PCCA: variants seen among roughly 807,000 people sequenced by gnomAD.
PCCA encodes propionyl-CoA carboxylase subunit alpha.
A neutral mutation model predicts 101.3 loss-of-function variants in PCCA; 74 were observed. The observed-to-expected ratio is 0.73, with a 90% CI of 0.61 to 0.89. The LOEUF is 0.89. PCCA is among the 40% of genes least tolerant of loss of function. The pLI, the probability that PCCA is intolerant of heterozygous loss-of-function variation, is 0.00. For missense variants in PCCA, 891 were observed against 907.0 expected (o/e 0.98, Z 0.23); for synonymous variants, 294 against 313.6 (o/e 0.94, Z 0.66).
chr13:100,181,613 T>C (rs1395469390), intron 6 of PCCA, among the ~76,000 whole-genome samples: 1 of 151,580 alleles, frequency 6.6e-6, no homozygotes, highest in Non-Finnish European at 1.5e-5. Context: ...TGTAGAGATG[T>C]GGTCTCGCCA....
At chr13:100,452,190 G>A (rs1279638559) in intron 21 of PCCA, among the ~76,000 whole-genome samples, 2 of 121,618 alleles carry the variant, frequency 1.6e-5, no homozygotes, top group East Asian at 2.4e-4. Flanking sequence ...CCTCTTTCTC[G>A]CTCCTCTTTT....
chr13:100,401,506 T>C (rs2077360264), intron 19 of PCCA, among the ~76,000 whole-genome samples: 1 of 152,230 alleles, frequency 6.6e-6, no homozygotes. Flanking sequence ...CCTCCCAAAG[T>C]GCTGGAATTA....
In PCCA at chr13:100,373,164, G is replaced by T. The variant is rs564908758; in HGVS notation, c.1746+4590G>T. Among the ~76,000 whole-genome samples, 3 of 152,268 alleles carry T rather than the reference G, an allele frequency of 2.0e-5. No homozygotes were observed. In the South Asian group the frequency reaches 6.2e-4, roughly 32 times the overall value. On this transcript the variant is annotated intron_variant, in intron 19 of 23. Coordinates refer to ENST00000376285, the MANE Select transcript of PCCA (RefSeq NM_000282.4). ...CCTCTCCAAAGAAGATATACGCATGGCCAATAAGCACATGACAAGATGCTC... is the reference window on the plus strand; with the variant it reads ...CCTCTCCAAAGAAGATATACGCATGTCCAATAAGCACATGACAAGATGCTC...
At chr13:100,159,397 C>T (rs1040883010) in intron 6 of PCCA, among the ~76,000 whole-genome samples, 2 of 152,040 alleles carry the variant, frequency 1.3e-5, no homozygotes, top group African/African-American at 2.4e-5. Context: ...CCAAAAAATG[C>T]TTCTTTAAAG....
At chr13:100,348,775 TCTTTCTTTCTTTCTTCCTTCCTTC>T (rs760748796) in intron 18 of PCCA, among the ~76,000 whole-genome samples, 6,215 of 89,960 alleles carry the variant, frequency 0.069, 283 homozygotes, top group Middle Eastern at 0.084. Context: ...TTTCTTTCTT[TCTTTCTTTCTTTCTTCCTTCCTTC>T]CTTCCTTCCT....
intron 11 of PCCA, among the ~76,000 whole-genome samples, chr13:100,271,394 C>T (rs2063304598): frequency 6.6e-6 from 1 of 152,146 alleles, no homozygotes; most frequent in Admixed American, 6.5e-5. Context: ...TTCCCCCTCC[C>T]CCACCCCAAT....
At chr13:100,482,822 A>C (rs1176933524) in intron 21 of PCCA, among the ~76,000 whole-genome samples, 1 of 152,190 alleles carries the variant, frequency 6.6e-6, no homozygotes, top group East Asian at 1.9e-4. Context: ...GGAGTTCAAG[A>C]CCAGCCTGGC....
At chr13:100,361,018 TG>T (rs2074512530) in intron 18 of PCCA, among the ~76,000 whole-genome samples, 1 of 152,114 alleles carries the variant, frequency 6.6e-6, no homozygotes, top group Admixed American at 6.5e-5. Flanking sequence ...AAATACATAT[TG>T]GTATGGGGAA....
chr13:100,477,399 T>C (rs936924737), intron 21 of PCCA: 1 of 152,206 alleles, frequency 6.6e-6, no homozygotes, highest in Non-Finnish European at 1.5e-5. Context: ...AAGTTAGATG[T>C]GGAGTTTCTA....
At chr13:100,298,396 C>T (rs544307544) in intron 12 of PCCA, among the ~76,000 whole-genome samples, 26 of 152,112 alleles carry the variant, frequency 1.7e-4, no homozygotes, top group African/African-American at 6.0e-4. Context: ...CCCGGTGTTT[C>T]CCAAATAGAA....
chr13:100,390,894 G>A (rs2076766926), intron 19 of PCCA, among the ~76,000 whole-genome samples: 1 of 152,204 alleles, frequency 6.6e-6, no homozygotes, highest in African/African-American at 2.4e-5. Flanking sequence ...GTGGGCCATG[G>A]TGTTGAGGGG....
At chr13:100,411,869 A>G (rs993430954) in intron 19 of PCCA, among the ~76,000 whole-genome samples, 6 of 152,178 alleles carry the variant, frequency 3.9e-5, no homozygotes, top group Admixed American at 3.9e-4. Context: ...TCATACTGTC[A>G]TATTGAGAGT....
rs568477588 is a variant in PCCA, at chr13:100,421,899, G to A, written c.1747-3734G>A. ...GAGGTTTCACCATGTTGGTCAGGCT[G>A]GTCTCAATCTCCTGACCTTAGGTGA... On this transcript the variant is annotated intron_variant, in intron 19 of 23. Transcript: ENST00000376285. Among the ~76,000 whole-genome samples, 3 of 152,046 alleles carry A rather than the reference G, an allele frequency of 2.0e-5. No homozygotes were observed. In the South Asian group the frequency reaches 6.2e-4, roughly 32 times the overall value.
chr13:100,178,736 A>T (rs1594561948), intron 6 of PCCA, among the ~76,000 whole-genome samples: 1 of 135,462 alleles, frequency 7.4e-6, no homozygotes, highest in African/African-American at 3.8e-5. Context: ...CCTGTTTATT[A>T]AAAAAAAATA....
chr13:100,493,412 T>C (rs2085050203), intron 21 of PCCA, among the ~76,000 whole-genome samples: 1 of 152,208 alleles, frequency 6.6e-6, no homozygotes, highest in South Asian at 2.1e-4. Context: ...TAGTCTCTTG[T>C]ACAGCAACAG....
At chr13:100,352,099 A>G (rs1254117215) in intron 18 of PCCA, among the ~76,000 whole-genome samples, 2 of 152,214 alleles carry the variant, frequency 1.3e-5, no homozygotes, top group African/African-American at 4.8e-5. Context: ...ATAAAGGAAT[A>G]GAGGGAGAAA....
At chr13:100,513,034 T>G (rs1368434428) in intron 21 of PCCA, among the ~76,000 whole-genome samples, 1 of 152,202 alleles carries the variant, frequency 6.6e-6, no homozygotes, top group Non-Finnish European at 1.5e-5. Flanking sequence ...ATCAAAAAGC[T>G]TTTACGGTTC....
intron 9 of PCCA, among the ~76,000 whole-genome samples, chr13:100,262,015 T>A (rs1332446959): frequency 6.6e-6 from 1 of 152,236 alleles, no homozygotes; most frequent in Non-Finnish European, 1.5e-5. Flanking sequence ...ACAGATGTTT[T>A]TTTATATTTT....
chr13:100,264,317 A>G (rs1377987813), intron 10 of PCCA, among the ~76,000 whole-genome samples: 1 of 152,018 alleles, frequency 6.6e-6, no homozygotes, highest in Non-Finnish European at 1.5e-5. Flanking sequence ...TAAGTGTGCA[A>G]TTGAAGACAA....
Sources: gnomAD v4.1 joint callset for allele counts (sites outside exome capture counted in the v4.1 genomes callset) on GRCh38, gnomAD v4.1.1 for gene constraint, MANE v1.5 for transcripts, NCBI Gene and HGNC (gene_info 2026-07-23, HGNC 2026-07-21) for gene names.